ELSPBP1: variants seen among roughly 807,000 people sequenced by gnomAD.
ELSPBP1 encodes the protein epididymal sperm-binding protein 1.
A neutral mutation model predicts 33.3 loss-of-function variants in ELSPBP1; 38 were observed. That is an observed-to-expected ratio of 1.14 (90% CI 0.88 to 1.50). The LOEUF (loss-of-function observed/expected upper bound fraction) is 1.50, where lower values mean the gene tolerates loss of function less well. ELSPBP1 is among the 40% of genes most tolerant of loss of function. The probability of loss-of-function intolerance (pLI) is 0.00; values close to 1 mark genes in which losing one functional copy is unlikely to be tolerated. For missense variants in ELSPBP1, 267 were observed against 263.5 expected, an observed-to-expected ratio of 1.01 and a Z score of -0.09; for synonymous variants, 85 against 94.1, an observed-to-expected ratio of 0.90 and a Z score of 0.56.
intron 1 of ELSPBP1, among the ~76,000 whole-genome samples, chr19:47,996,387 G>A (rs1966911743): frequency 6.6e-6 from 1 of 152,144 alleles, no homozygotes; most frequent in African/African-American, 2.4e-5. Context: ...AATGATTGAT[G>A]GATGGATGAT....
chr19:48,022,472 C>G (rs774597726), intron 6 of ELSPBP1, 138 bp downstream of exon 6: 225 of 711,344 alleles, frequency 3.2e-4, no homozygotes, highest in Non-Finnish European at 4.5e-4. Flanking sequence ...AAGGCGAGAT[C>G]TGTTGCTTTT....
At chr19:48,020,898 G>A (rs1600112498) in intron 5 of ELSPBP1, among the ~76,000 whole-genome samples, 1 of 152,226 alleles carries the variant, frequency 6.6e-6, no homozygotes, top group African/African-American at 2.4e-5. Flanking sequence ...CAAGGGGTCA[G>A]TCCGAATAGC....
chr19:47,998,609 A>G (rs1170886917), intron 1 of ELSPBP1, among the ~76,000 whole-genome samples: 1 of 151,688 alleles, frequency 6.6e-6, no homozygotes, highest in Non-Finnish European at 1.5e-5. Flanking sequence ...ACACAGTGAA[A>G]CCCCGTCTTT....
At chr19:48,021,676 C>T (rs796925552) in intron 5 of ELSPBP1, among the ~76,000 whole-genome samples, 5 of 152,186 alleles carry the variant, frequency 3.3e-5, no homozygotes, top group South Asian at 2.1e-4. Flanking sequence ...TCTCAAACTC[C>T]TGACCTCAAG....
Position 47,999,853 on chromosome 19 carries a change from CG to C in ELSPBP1, c.-18+5043del, listed in dbSNP as rs373675774. 3.9e-3 allele frequency among the ~76,000 whole-genome samples: 582 copies of C among 150,604 alleles called. 1 individual carries two copies. The highest frequency in any genetic ancestry group is 0.014 in the African/African-American group (555 of 40,948). ...TTTTTTTTTTTAGGAAATGGGGTCT[CG>C]CTCTGTCATTCAGGCTGGAGTGCAG... On this transcript the variant is annotated intron_variant, in intron 1 of 6. Coordinates refer to ENST00000339841, the MANE Select transcript of ELSPBP1 (RefSeq NM_022142.5).
chr19:48,016,459 TCTTTCCTTCTTTC>T (rs1407030073), intron 4 of ELSPBP1, among the ~76,000 whole-genome samples: 165 of 47,756 alleles, frequency 3.5e-3, no homozygotes, highest in African/African-American at 0.011. Flanking sequence ...CTCTTTCTTT[TCTTTCCTTCTTTC>T]TTTCTTTCTT....
chr19:48,008,700 G>A lies in ELSPBP1; in HGVS notation c.33G>A (p.Trp11Ter). 4 of 1,613,968 alleles carry A rather than the reference G, an allele frequency of 2.5e-6. No individual in the cohort carries two copies. The Admixed American group carries it at 6.7e-5, about 27-fold the overall frequency. ...GATGGTCCAGTTACCTGTTGGGATG[G>A]ACAACCTTCCTTCTCTATTCCTATG... is the stretch of plus-strand genomic sequence containing the variant. MTRWSSYLLG[W>*]TTFLLYSYES... The change falls in exon 2 of 7, where the codon TGG (tryptophan) becomes TGA (stop). Residue 11 changes from tryptophan (W) to a stop codon, truncating the protein, a stop_gained. Transcript: ENST00000339841. LOFTEE classifies it high-confidence loss of function.
Position 48,011,388 on chromosome 19 carries a change from A to G in ELSPBP1, c.70+2651A>G, listed in dbSNP as rs992115772. The stretch of plus-strand genomic sequence containing the variant: ...GATGATGGTGACAATGATGATGACG[A>G]TGATAATGATGATGTCAATAATGAT... On this transcript the variant is annotated intron_variant, in intron 2 of 6. Transcript: ENST00000339841. The surrounding 1 kb of genome is among the most constrained non-coding windows in gnomAD (Gnocchi z 4.5). Among the ~76,000 whole-genome samples the G allele has an allele frequency of 6.6e-6, 1 of 151,678 alleles. No individual in the cohort carries two copies. Among genetic ancestry groups the G allele is most frequent in the Non-Finnish European group, 1.5e-5 (1 of 67,924 alleles).
chr19:48,020,647 C>T (rs931048365), intron 5 of ELSPBP1, among the ~76,000 whole-genome samples: 2 of 152,128 alleles, frequency 1.3e-5, no homozygotes, highest in African/African-American at 4.8e-5. Flanking sequence ...ACAAATCCTC[C>T]ATCCACCAGG....
intron 1 of ELSPBP1, among the ~76,000 whole-genome samples, chr19:48,006,159 T>C (rs529775280): frequency 7.5e-4 from 114 of 152,202 alleles, no homozygotes; most frequent in Middle Eastern, 3.4e-3. Flanking sequence ...GAGGTCTCAC[T>C]ATGTTGTCCA....
intron 1 of ELSPBP1, among the ~76,000 whole-genome samples, chr19:48,004,099 A>G (rs1966994315): frequency 6.6e-6 from 1 of 150,880 alleles, no homozygotes; most frequent in Admixed American, 6.6e-5. Flanking sequence ...ACGCACCATC[A>G]TGTGGAGGGA....
At chr19:47,996,447 G>A (rs1433351983) in intron 1 of ELSPBP1, among the ~76,000 whole-genome samples, 1 of 152,088 alleles carries the variant, frequency 6.6e-6, no homozygotes, top group East Asian at 1.9e-4. Context: ...TAAATGAATG[G>A]ACAGATGAGT....
At chr19:47,998,818 A>G (rs951025930) in intron 1 of ELSPBP1, among the ~76,000 whole-genome samples, 2 of 150,762 alleles carry the variant, frequency 1.3e-5, no homozygotes, top group African/African-American at 2.4e-5. Flanking sequence ...GCAGAGTCCA[A>G]CCTTTTGGGG....
chr19:48,022,382 A>G (rs1967211328), intron 6 of ELSPBP1, 48 bp downstream of exon 6: 1 of 1,524,302 alleles, frequency 6.6e-7, no homozygotes, highest in African/African-American at 1.4e-5. Flanking sequence ...CAGAGGTGAG[A>G]CAGGTGCACA....
In ELSPBP1 at chr19:48,015,804, G is replaced by T. The variant is rs947926074; in HGVS notation, c.209-89G>T. ...CTCTTCTGAACCTTATGTCTGTCCTGTCCTATGATGGTTGATTGATGATTA... is the reference window on the plus strand; with the variant it reads ...CTCTTCTGAACCTTATGTCTGTCCTTTCCTATGATGGTTGATTGATGATTA... On this transcript the variant is annotated intron_variant, in intron 3 of 6. Coordinates refer to ENST00000339841, the MANE Select transcript of ELSPBP1 (RefSeq NM_022142.5). The T allele has an allele frequency of 1.5e-6, 2 of 1,291,170 alleles. 1 individual carries two copies. The allele number at this position is 1,291,170 out of a possible 1,614,324, so 80.0% of individuals were successfully genotyped here.
At chr19:48,014,090 A>C in intron 2 of ELSPBP1, 81 bp from the exon 3 acceptor site, 1 of 1,515,096 alleles carries the variant, frequency 6.6e-7, no homozygotes, top group Non-Finnish European at 9.0e-7. Context: ...TTCATATTAA[A>C]GCAAGAGCCA....
chr19:48,001,747 C>T (rs556510786), intron 1 of ELSPBP1, among the ~76,000 whole-genome samples: 2 of 151,204 alleles, frequency 1.3e-5, no homozygotes, highest in East Asian at 3.9e-4. Flanking sequence ...AGATAGGGGT[C>T]TCACTGTGTT....
At chr19:48,024,041 T>A (rs1324633499) in intron 6 of ELSPBP1, among the ~76,000 whole-genome samples, 1 of 90,178 alleles carries the variant, frequency 1.1e-5, no homozygotes, top group African/African-American at 4.1e-5. Flanking sequence ...CAGCAATTTT[T>A]TTTTTTTTTT....
At chr19:48,002,158 C>T (rs909706149) in intron 1 of ELSPBP1, among the ~76,000 whole-genome samples, 1 of 152,140 alleles carries the variant, frequency 6.6e-6, no homozygotes, top group African/African-American at 2.4e-5. Flanking sequence ...TTCCACTGTG[C>T]GGATGAGGAC....
Sources: allele counts gnomAD v4.1 joint callset (sites outside exome capture counted in the v4.1 genomes callset), GRCh38; gene constraint gnomAD v4.1.1; non-coding constraint Gnocchi (gnomAD v3.1); transcripts MANE v1.5; gene names NCBI Gene and HGNC (gene_info 2026-07-23, HGNC 2026-07-21).